MYH1: variants seen among roughly 807,000 people sequenced by gnomAD.
MYH1 encodes the protein myosin-1.
A neutral mutation model predicts 225.6 loss-of-function variants in MYH1; 214 were observed. The ratio of observed to expected loss-of-function variants is 0.95; its 90% CI spans 0.85 to 1.06. MYH1 has a LOEUF of 1.06. Ranked by LOEUF, MYH1 falls within the 50% of genes least tolerant of loss-of-function variation. The pLI, the probability that MYH1 is intolerant of heterozygous loss-of-function variation, is 0.00. For synonymous variants in MYH1, 774 were observed against 842.3 expected, an observed-to-expected ratio of 0.92 and a Z score of 1.40; for missense variants, 2,098 against 2,344.2, an observed-to-expected ratio of 0.89 and a Z score of 2.17.
rs369738946 is a variant in MYH1 at position 10,494,648 on chromosome 17, T to G, written c.5492A>C (p.Glu1831Ala). The change falls in exon 38 of 40, where the codon GAA becomes GCA. Residue 1831 changes from glutamate to alanine, a missense_variant. Transcript: ENST00000226207. Reference sequence around the variant, plus strand: ...TTCAACATTGCGCTTCTGTTCACTTTCAACTTCACCTTCAAGTTCACGAAC... The same window carrying G: ...TTCAACATTGCGCTTCTGTTCACTTGCAACTTCACCTTCAAGTTCACGAAC... Reference protein sequence around the residue: ...ARVRELEGEVESEQKRNVEAV... With the variant: ...ARVRELEGEVASEQKRNVEAV... The G allele has an allele frequency of 6.2e-7, 1 of 1,614,064 alleles. No homozygotes were observed. The highest frequency in any genetic ancestry group is 8.5e-7 in the Non-Finnish European group (1 of 1,180,020).
intron 27 of MYH1, 122 bp downstream of exon 27, chr17:10,500,988 A>G (rs1470327366): frequency 2.7e-6 from 4 of 1,481,556 alleles, no homozygotes. Context: ...AAGTTGTACT[A>G]TACGTGATAT....
intron 3 of MYH1, 30 bp downstream of exon 3, chr17:10,516,409 G>C (rs1237362659): frequency 1.2e-5 from 19 of 1,614,204 alleles, no homozygotes; most frequent in Non-Finnish European, 1.5e-5. Flanking sequence ...ATGAGGCAGA[G>C]TCTAATCAGC....
At chr17:10,502,062 C>T in intron 24 of MYH1, 151 bp from the exon 25 acceptor site, 1 of 828,970 alleles carries the variant, frequency 1.2e-6, no homozygotes, top group Non-Finnish European at 1.8e-6. Flanking sequence ...TGGTATTTAC[C>T]TAGTCGAAAA....
At chr17:10,501,943 TA>T in intron 24 of MYH1, 32 bp from the exon 25 acceptor site, 4 of 1,578,714 alleles carry the variant, frequency 2.5e-6, no homozygotes, top group Non-Finnish European at 3.4e-6. Context: ...ATATGGTTCT[TA>T]GAATGGTAGC....
chr17:10,493,672 A>G (rs2072957863), intron 39 of MYH1, among the ~76,000 whole-genome samples: 1 of 152,140 alleles, frequency 6.6e-6, no homozygotes, highest in African/African-American at 2.4e-5. Context: ...TTGCCCTGCA[A>G]TTCTGTTCTT....
chr17:10,504,927 T>C lies in MYH1; in HGVS notation c.2574A>G (p.Glu858=), dbSNP rs200087261. The C allele has an allele frequency of 2.3e-4, 379 of 1,614,084 alleles. No individual in the cohort carries two copies. The highest frequency in any genetic ancestry group is 4.9e-4 in the Middle Eastern group (3 of 6,084). The change falls in exon 22 of 40, where the codon GAA becomes GAG. Residue 858 remains glutamate, a synonymous_variant. Coordinates refer to ENST00000226207, the MANE Select transcript of MYH1 (RefSeq NM_005963.4). ...ETEKEMANMK[E]EFEKTKEELA... ...GCTCTTCTTTGGTTTTCTCAAATTC[T>C]TCCTTCATGTTGGCCATCTCCTTCT...
intron 38 of MYH1, 32 bp from the exon 39 acceptor site, chr17:10,494,481 G>C: frequency 6.2e-7 from 1 of 1,611,574 alleles, no homozygotes; most frequent in South Asian, 1.1e-5. Context: ...TAAGTTTCTT[G>C]AAAGTACAAA....
Position 10,501,457 on chromosome 17 carries a change from C to A in MYH1, c.3391G>T (p.Ala1131Ser), listed in dbSNP as rs2073056504. The A allele has an allele frequency of 6.2e-7, 1 of 1,614,242 alleles. No homozygotes were observed. The highest frequency in any genetic ancestry group is 2.2e-5 in the East Asian group (1 of 44,892). Residue 1131 changes from alanine to serine, a missense_variant, in exon 27 of 40, where the codon GCC becomes TCC. Transcript: ENST00000226207. The part of the protein sequence containing the change: ...ELEEEIEAER[A>S]SRAKAEKQRS... ...TGCTTCTCTGCTTTGGCCCGGGAGGCCCGCTCTGCCTCGATTTCCTCCTCC... is the reference window on the plus strand; with the variant it reads ...TGCTTCTCTGCTTTGGCCCGGGAGGACCGCTCTGCCTCGATTTCCTCCTCC...
At position 10,503,379 on chromosome 17, in the gene MYH1, T is replaced by C. The variant is rs138807817; in HGVS notation, c.2692-131A>G. ...GTTAATTTTTATTAGCTTTCTACCATTCAGTAAATATTGGGCACTTATGAG... is the reference window on the plus strand; with the variant it reads ...GTTAATTTTTATTAGCTTTCTACCACTCAGTAAATATTGGGCACTTATGAG... On this transcript the variant is annotated intron_variant, in intron 22 of 39. Transcript: ENST00000226207. 214 of 1,308,308 alleles carry C rather than the reference T, an allele frequency of 1.6e-4. 2 individuals carry two copies. The African/African-American group carries it at 2.9e-3, about 18-fold the overall frequency. The allele number at this position is 1,308,308 out of a possible 1,614,324, so 81.0% of individuals were successfully genotyped here.
Position 10,497,844 on chromosome 17 carries a change from C to G in MYH1, c.4255G>C (p.Glu1419Gln). The G allele has an allele frequency of 1.2e-6, 2 of 1,614,022 alleles. No homozygotes were observed. The highest frequency in any genetic ancestry group is 2.7e-5 in the African/African-American group (2 of 75,054). ...TTCTGGAGCCTCTGCTTCGTCTTCT[C>G]AAGGGAAGCACATTTGGCATTCACA... ...EAVNAKCASL[E>Q]KTKQRLQNEV... Residue 1419 changes from glutamate to glutamine, a missense_variant, in exon 31 of 40, where the codon GAG (glutamate) becomes CAG (glutamine). Coordinates refer to ENST00000226207, the MANE Select transcript of MYH1 (RefSeq NM_005963.4).
Position 10,512,549 on chromosome 17 carries a change from A to G in MYH1, c.1009-3T>C, listed in dbSNP as rs765801149. On this transcript the variant is annotated splice_region_variant and splice_polypyrimidine_tract_variant and intron_variant, in intron 11 of 39. Transcript: ENST00000226207. ...AAGCCCAGAATTTCAATGGCACTCT[A>G]CCATGAGAGATGAGAAGACAAAGAT... is the stretch of plus-strand genomic sequence containing the variant. 4.3e-6 allele frequency: 7 copies of G among 1,614,088 alleles called. No individual in the cohort carries two copies. In the South Asian group the frequency reaches 5.5e-5, roughly 13 times the overall value.
chr17:10,505,852 C>G lies in MYH1; in HGVS notation c.2134G>C (p.Gly712Arg). Residue 712 changes from glycine (G) to arginine (R), a missense_variant, in exon 19 of 40, where the codon GGC becomes CGC. Physicochemically the swap from Gly to Arg is moderately radical, Grantham distance 125. Transcript: ENST00000226207. ...VLEGIRICRK[G>R]FPSRILYADF... is the part of the protein sequence containing the mutation. ...GCATAAAGGATTCTGCTTGGGAAGC[C>G]TTTCCTGCAGATGCGGATGCCTTCC... 3.1e-6 allele frequency: 5 copies of G among 1,614,064 alleles called. No individual in the cohort carries two copies. Among genetic ancestry groups the G allele is most frequent in the Non-Finnish European group, 4.2e-6 (5 of 1,179,960 alleles).
rs567549660 is a variant in MYH1, at chr17:10,497,148, C to T, written c.4577G>A (p.Arg1526His). The T allele has an allele frequency of 1.5e-5, 25 of 1,614,038 alleles. No homozygotes were observed. The highest frequency in any genetic ancestry group is 1.1e-4 in the African/African-American group (8 of 75,018). ...LTEQIAEGGK[R>H]IHELEKIKKQ... ...CTTTATTTTTTCCAGTTCATGGATG[C>T]GCTTTCCTCCTTCTGCAATCTGTTC... Residue 1526 changes from arginine to histidine, a missense_variant, in exon 33 of 40, where the codon CGC becomes CAC. Physicochemically the swap from Arg to His is conservative, Grantham distance 29. Coordinates refer to ENST00000226207, the MANE Select transcript of MYH1 (RefSeq NM_005963.4).
intron 12 of MYH1, 51 bp downstream of exon 12, chr17:10,512,357 C>T: frequency 1.2e-6 from 2 of 1,613,892 alleles, no homozygotes; most frequent in Non-Finnish European, 1.7e-6. Context: ...TTGGAATGGA[C>T]ATTTTTGCCT....
rs768467825 is a variant in MYH1 at position 10,497,370 on chromosome 17, G to C, written c.4448C>G (p.Thr1483Arg). 1 of 1,613,832 alleles carries C rather than the reference G, an allele frequency of 6.2e-7. No homozygotes were observed. The highest frequency in any genetic ancestry group is 8.5e-7 in the Non-Finnish European group (1 of 1,179,994). The change falls in exon 32 of 40, where the codon ACA (threonine) becomes AGA (arginine). Residue 1483 changes from threonine (T) to arginine (R), a missense_variant. Thr to Arg is a moderately conservative substitution (Grantham distance 71). Transcript: ENST00000226207. ...ASQKESRSLS[T>R]ELFKIKNAYE... ...AGCATTCTTAATCTTAAATAGTTCTGTGCTGAGTGAGCGGGATTCCTTTTG... is the reference window on the plus strand; with the variant it reads ...AGCATTCTTAATCTTAAATAGTTCTCTGCTGAGTGAGCGGGATTCCTTTTG...
rs554629161 is a variant in MYH1, at chr17:10,515,008, A to G, written c.506-113T>C. The G allele has an allele frequency of 2.5e-4, 230 of 932,330 alleles. 1 individual carries two copies. In the East Asian group the frequency reaches 5.3e-3, roughly 21 times the overall value. 57.8% of individuals were successfully genotyped at this position (932,330 alleles called of 1,614,324 possible). On this transcript the variant is annotated intron_variant, in intron 5 of 39. Transcript: ENST00000226207. ...GTCATGTATTCAGTGGGGTTTTTCA[A>G]TATATTATGGTAAAGTTATGGGTGT...
rs760252779 is a variant in MYH1 at position 10,497,930 on chromosome 17, G to A, written c.4182-13C>T. 10 of 1,584,130 alleles carry A rather than the reference G, an allele frequency of 6.3e-6. No individual in the cohort carries two copies. The Middle Eastern group carries it at 8.5e-4, about 134-fold the overall frequency. On this transcript the variant is annotated splice_polypyrimidine_tract_variant and intron_variant, in intron 30 of 39. Transcript: ENST00000226207. ...AGCCAGCTTCTTCCTATGAAATATG[G>A]GCAATAAAAGTGAATGGCTGTCAAC...
intron 23 of MYH1, 45 bp from the exon 24 acceptor site, chr17:10,502,959 G>C: frequency 6.2e-7 from 1 of 1,614,164 alleles, no homozygotes; most frequent in Non-Finnish European, 8.5e-7. Context: ...AAGCACCTTT[G>C]TTGGGTGGCA....
chr17:10,506,093 A>C lies in MYH1; in HGVS notation c.1975T>G (p.Leu659Val). 6.2e-7 allele frequency: 1 copy of C among 1,614,194 alleles called. No individual in the cohort carries two copies. The highest frequency in any genetic ancestry group is 1.1e-5 in the South Asian group (1 of 91,080). ...CTCAAGTTGGTCATCAGCTTATTCA[A>C]ATTCTCCTGTGGAACCATGCGAGTT... ...QTVSALFRENLNKLMTNLRST... is the reference protein window; with the variant it reads ...QTVSALFRENVNKLMTNLRST... Residue 659 changes from leucine to valine, a missense_variant, in exon 18 of 40, where the codon TTG becomes GTG. By Grantham distance (32) the Leu-to-Val change is conservative (BLOSUM62 1). Coordinates refer to ENST00000226207, the MANE Select transcript of MYH1 (RefSeq NM_005963.4).
Sources: allele counts gnomAD v4.1 joint callset (sites outside exome capture counted in the v4.1 genomes callset), GRCh38; gene constraint gnomAD v4.1.1; transcripts MANE v1.5; gene names NCBI Gene and HGNC (gene_info 2026-07-23, HGNC 2026-07-21).